The following MYCBP2 variants were observed in gnomAD, a reference collection of about 807,000 sequenced individuals.
MYCBP2 encodes the protein E3 ubiquitin-protein ligase MYCBP2.
A neutral mutation model predicts 525.3 loss-of-function variants in MYCBP2; 120 were observed. That is an observed-to-expected ratio of 0.23 (90% CI 0.20 to 0.27). The LOEUF (loss-of-function observed/expected upper bound fraction) is 0.27. MYCBP2 is among the 10% of genes least tolerant of loss of function. The pLI is 1.00. For synonymous variants in MYCBP2, 1,894 were observed against 1,955.8 expected (o/e 0.97, Z 0.83); for missense variants, 4,149 against 5,657.1 (o/e 0.73, Z 8.55).
Position 77,207,035 on chromosome 13 carries a change from T to C in MYCBP2, c.3417-210A>G, listed in dbSNP as rs149208660. ...AATTTGAAAATAGTAACGTAGATTA[T>C]AATACTTAATACAGAAAATAGTAAT... On this transcript the variant is annotated intron_variant, in intron 23 of 82. Transcript: ENST00000544440. Among the ~76,000 whole-genome samples, 958 of 152,320 alleles carry C rather than the reference T, an allele frequency of 6.3e-3. 15 individuals are homozygous for C. The highest frequency in any genetic ancestry group is 0.021 in the African/African-American group (891 of 41,570).
chr13:77,199,028 G>T lies in MYCBP2; in HGVS notation c.3844-4784C>A, dbSNP rs377310506. On this transcript the variant is annotated intron_variant, in intron 26 of 82. Transcript: ENST00000544440. ...GTTATTAATTTAGTATTACTGTAGG[G>T]GGGGAGGAGGCAAGATGGCTGAATA... Among the ~76,000 whole-genome samples the T allele has an allele frequency of 6.6e-5, 10 of 152,196 alleles. No individual in the cohort carries two copies. In the East Asian group the frequency reaches 7.7e-4, roughly 12 times the overall value.
At chr13:77,074,519 C>G (rs768295332) in intron 68 of MYCBP2, among the ~76,000 whole-genome samples, 2 of 152,086 alleles carry the variant, frequency 1.3e-5, no homozygotes. Flanking sequence ...TATTTGAAAA[C>G]ACATAATTGG....
chr13:77,137,791 T>C (rs1424836103), intron 52 of MYCBP2, among the ~76,000 whole-genome samples: 1 of 152,138 alleles, frequency 6.6e-6, no homozygotes, highest in African/African-American at 2.4e-5. Context: ...GGTTTCACCA[T>C]GTTGGCCAGG....
chr13:77,148,020 C>A (rs1427390991), intron 47 of MYCBP2, among the ~76,000 whole-genome samples: 1 of 151,846 alleles, frequency 6.6e-6, no homozygotes, highest in African/African-American at 2.4e-5. Flanking sequence ...ATTATACAAA[C>A]TGAAGCATGT....
chr13:77,058,985 AAAAAAAT>A lies in MYCBP2; in HGVS notation c.13140+531_13140+537del, dbSNP rs1358603823. On this transcript the variant is annotated intron_variant, in intron 77 of 82. Transcript: ENST00000544440. This position sits in a 1 kb window ranked among gnomAD's most constrained non-coding sequence, Gnocchi z 4.1. ...GGGCGACACAGCCAGACTCCGTCTC[AAAAAAAT>A]AAAAAATAAAAAAAGTTCCCCAATG... Among the ~76,000 whole-genome samples the A allele has an allele frequency of 6.6e-6, 1 of 152,124 alleles. No individual in the cohort carries two copies.
chr13:77,123,103 A>G (rs940640086), intron 54 of MYCBP2, among the ~76,000 whole-genome samples: 24 of 152,344 alleles, frequency 1.6e-4, no homozygotes, highest in Non-Finnish European at 3.2e-4. Flanking sequence ...TTTTACTCAC[A>G]TGACTTCATA....
At chr13:77,139,479 A>C in intron 51 of MYCBP2, 143 bp from the exon 52 acceptor site, 1 of 828,144 alleles carries the variant, frequency 1.2e-6, no homozygotes. Flanking sequence ...AGTCTGAGAG[A>C]CCCTCCAGGG....
chr13:77,277,703 C>T (rs541101709), intron 4 of MYCBP2, among the ~76,000 whole-genome samples: 1 of 152,258 alleles, frequency 6.6e-6, no homozygotes, highest in Non-Finnish European at 1.5e-5. Flanking sequence ...CTTTTGGGCC[C>T]CACCCCAAGT....
chr13:77,219,983 T>C (rs182856703), intron 20 of MYCBP2, among the ~76,000 whole-genome samples: 6 of 152,304 alleles, frequency 3.9e-5, no homozygotes, highest in East Asian at 1.9e-4. Flanking sequence ...AGTTCAATAC[T>C]ACACAACAGG....
chr13:77,255,844 A>G (rs2072091479), intron 14 of MYCBP2, among the ~76,000 whole-genome samples: 1 of 152,014 alleles, frequency 6.6e-6, no homozygotes, highest in African/African-American at 2.4e-5. Context: ...TTTATACAGC[A>G]TTAATCCTCG....
Position 77,270,487 on chromosome 13 carries a change from C to T in MYCBP2, c.997G>A (p.Gly333Arg). The change falls in exon 6 of 83, where the codon GGA (glycine) becomes AGA (arginine). Residue 333 changes from glycine to arginine, a missense_variant. Gly to Arg is a moderately radical substitution (Grantham distance 125). Coordinates refer to ENST00000544440, the MANE Select transcript of MYCBP2 (RefSeq NM_015057.5). ...LQRSVQAVLV[G>R]KIQIQDWFSN... is the part of the protein sequence containing the mutation. ...AACCAGTCCTGAATTTGAATTTTTC[C>T]CACCAAAACTGCTTGTACACTTCTC... 1 of 1,613,486 alleles carries T rather than the reference C, an allele frequency of 6.2e-7. No individual in the cohort carries two copies. Among genetic ancestry groups the T allele is most frequent in the Non-Finnish European group, 8.5e-7 (1 of 1,179,708 alleles).
At chr13:77,066,835 G>A (rs931084292) in intron 71 of MYCBP2, among the ~76,000 whole-genome samples, 2 of 150,186 alleles carry the variant, frequency 1.3e-5, no homozygotes, top group Admixed American at 1.3e-4. Flanking sequence ...TTGTTTACTG[G>A]CATTTATAAG....
At chr13:77,077,106 C>T (rs1325689081) in intron 67 of MYCBP2, 42 bp downstream of exon 67, 1 of 1,583,622 alleles carries the variant, frequency 6.3e-7, no homozygotes, top group Non-Finnish European at 8.6e-7. Flanking sequence ...AAATATATTA[C>T]ATCAATTATC....
chr13:77,109,168 T>C (rs966065703), intron 55 of MYCBP2, among the ~76,000 whole-genome samples: 1 of 152,184 alleles, frequency 6.6e-6, no homozygotes, highest in Admixed American at 6.6e-5. Context: ...TCTAACACAA[T>C]GGTCCCCTAA....
At chr13:77,169,755 G>T in intron 38 of MYCBP2, 41 bp from the exon 39 acceptor site, 1 of 1,514,772 alleles carries the variant, frequency 6.6e-7, no homozygotes, top group South Asian at 1.1e-5. Flanking sequence ...ATAGTCAGAA[G>T]GTAATTTCAT....
At chr13:77,281,193 T>C (rs992172218) in intron 3 of MYCBP2, among the ~76,000 whole-genome samples, 9 of 152,164 alleles carry the variant, frequency 5.9e-5, no homozygotes, top group Non-Finnish European at 1.2e-4. Context: ...AGAAAAAATA[T>C]AGTCCTGCCA....
intron 37 of MYCBP2, among the ~76,000 whole-genome samples, chr13:77,173,028 A>G (rs2059292578): frequency 6.6e-6 from 1 of 152,234 alleles, no homozygotes; most frequent in Admixed American, 6.5e-5. Flanking sequence ...GTCCTGGCAC[A>G]CAGTAACTAA....
chr13:77,212,151 G>A lies in MYCBP2; in HGVS notation c.3067C>T (p.Leu1023=), dbSNP rs2154282197. ...FTFGSFSKGQ[L]GRPILDVPYW... ...GGCACATCCAAAATTGGTCTGCCCA[G>A]TTGTCCTTTCTAAAAGATTAAATAA... Residue 1023 remains leucine (L), a synonymous_variant, in exon 22 of 83, where the codon CTG becomes TTG. Transcript: ENST00000544440. 6.2e-7 allele frequency: 1 copy of A among 1,613,846 alleles called. No individual in the cohort carries two copies.
intron 14 of MYCBP2, 22 bp from the exon 15 acceptor site, chr13:77,251,377 A>G (rs890280102): frequency 3.1e-6 from 5 of 1,602,362 alleles, no homozygotes; most frequent in Non-Finnish European, 4.3e-6. Flanking sequence ...ATCAATTTGT[A>G]ATTTTTATAC....
Sources: gnomAD v4.1 joint callset for allele counts (sites outside exome capture counted in the v4.1 genomes callset) on GRCh38, gnomAD v4.1.1 for gene constraint, Gnocchi (gnomAD v3.1) non-coding constraint, MANE v1.5 for transcripts, NCBI Gene and HGNC (gene_info 2026-07-23, HGNC 2026-07-21) for gene names.